Variants in AGBL4 observed in about 807,000 individuals in gnomAD.
AGBL4 encodes cytosolic carboxypeptidase 6.
AGBL4 carries 58 observed loss-of-function variants against 66.4 expected under a neutral mutation model. The ratio of observed to expected loss-of-function variants is 0.87; its 90% CI spans 0.71 to 1.09. AGBL4 has a LOEUF of 1.09. AGBL4 is among the 50% of genes least tolerant of loss of function. The pLI is 0.00. For missense variants in AGBL4, 579 were observed against 631.0 expected, an observed-to-expected ratio of 0.92 and a Z score of 0.88; for synonymous variants, 234 against 222.9, an observed-to-expected ratio of 1.05 and a Z score of -0.44.
At chr1:48,956,545 G>C (rs1657460864) in intron 5 of AGBL4, among the ~76,000 whole-genome samples, 1 of 152,166 alleles carries the variant, frequency 6.6e-6, no homozygotes, top group Admixed American at 6.5e-5. Context: ...AAGTGGAAGA[G>C]AGACTGGGGA....
intron 3 of AGBL4, among the ~76,000 whole-genome samples, chr1:49,515,726 A>T (rs1490008242): frequency 2.0e-5 from 3 of 151,844 alleles, no homozygotes; most frequent in Admixed American, 1.3e-4. Context: ...TGATGAGTTC[A>T]TGTCCTCTGT....
rs34952444 is a variant in AGBL4, at chr1:48,751,618, C to A, written c.635-88377G>T. On this transcript the variant is annotated intron_variant, in intron 6 of 13. Coordinates refer to ENST00000371839, the MANE Select transcript of AGBL4 (RefSeq NM_032785.4). The stretch of plus-strand genomic sequence containing the variant: ...AGGCTTTGCCTGTAATGAACACTTT[C>A]CCACCTCCATTTCCTGCCTGGCAAA... Among the ~76,000 whole-genome samples, 401 of 152,340 alleles carry A rather than the reference C, an allele frequency of 2.6e-3. 2 individuals are homozygous for A. Among genetic ancestry groups the A allele is most frequent in the Middle Eastern group, 0.01 (3 of 294 alleles).
chr1:49,754,266 CTTTT>C (rs573812769), intron 2 of AGBL4, among the ~76,000 whole-genome samples: 1 of 139,388 alleles, frequency 7.2e-6, no homozygotes, highest in Non-Finnish European at 1.6e-5. Context: ...CATGGGTGTT[CTTTT>C]TTTTTTTTAT....
intron 2 of AGBL4, among the ~76,000 whole-genome samples, chr1:49,825,962 A>C (rs924256280): frequency 1.1e-4 from 17 of 152,152 alleles, no homozygotes; most frequent in South Asian, 2.1e-4. Context: ...ATAAAAAAAA[A>C]CAAAACTTAC....
intron 3 of AGBL4, among the ~76,000 whole-genome samples, chr1:49,328,342 G>A (rs868490958): frequency 6.6e-6 from 1 of 152,164 alleles, no homozygotes; most frequent in African/African-American, 2.4e-5. Context: ...AAGAGAAGAG[G>A]GCTCTGGAAT....
chr1:50,010,377 C>CAATCT (rs985492291), intron 1 of AGBL4, among the ~76,000 whole-genome samples: 3 of 151,682 alleles, frequency 2.0e-5, no homozygotes, highest in Non-Finnish European at 4.4e-5. Context: ...CTATCCAAAG[C>CAATCT]AATCTACAGA....
chr1:49,001,147 G>T (rs1428258120), intron 5 of AGBL4, among the ~76,000 whole-genome samples: 7 of 152,230 alleles, frequency 4.6e-5, no homozygotes, highest in African/African-American at 1.7e-4. Context: ...TTGCAGGTCT[G>T]CTTTGTTTCG....
At chr1:48,919,852 G>C (rs1200100971) in intron 5 of AGBL4, among the ~76,000 whole-genome samples, 1 of 152,208 alleles carries the variant, frequency 6.6e-6, no homozygotes, top group Non-Finnish European at 1.5e-5. Context: ...CAACATAAGG[G>C]ATCTCACTGG....
chr1:49,336,646 T>C (rs1228037117), intron 3 of AGBL4, among the ~76,000 whole-genome samples: 1 of 152,214 alleles, frequency 6.6e-6, no homozygotes, highest in Non-Finnish European at 1.5e-5. Context: ...ATTTCTTAAT[T>C]TAAATCTTTC....
At chr1:49,690,554 A>T (rs2124591607) in intron 3 of AGBL4, among the ~76,000 whole-genome samples, 1 of 152,314 alleles carries the variant, frequency 6.6e-6, no homozygotes, top group Non-Finnish European at 1.5e-5. Flanking sequence ...CAGCTTCTTC[A>T]ACTGCAAAAT....
At chr1:49,602,017 C>A (rs972739266) in intron 3 of AGBL4, among the ~76,000 whole-genome samples, 9 of 152,066 alleles carry the variant, frequency 5.9e-5, no homozygotes, top group Admixed American at 3.3e-4. Context: ...AAAAAAACAA[C>A]CCCATCAAAA....
intron 1 of AGBL4, among the ~76,000 whole-genome samples, chr1:49,882,169 C>G (rs1242358044): frequency 8.6e-5 from 13 of 150,928 alleles, no homozygotes; most frequent in Admixed American, 6.6e-4. Context: ...GCTTGTTTTT[C>G]TCAGGTTTGT....
intron 11 of AGBL4, among the ~76,000 whole-genome samples, chr1:48,565,892 G>A (rs942893071): frequency 6.6e-6 from 1 of 152,188 alleles, no homozygotes; most frequent in Admixed American, 6.5e-5. Context: ...GGGAGGAGAA[G>A]TTCTTGGCCC....
At chr1:48,706,226 G>C (rs1646878796) in intron 6 of AGBL4, among the ~76,000 whole-genome samples, 1 of 152,010 alleles carries the variant, frequency 6.6e-6, no homozygotes, top group Non-Finnish European at 1.5e-5. Context: ...ATATGTATTA[G>C]ATATTTTAAA....
At chr1:49,379,162 C>G (rs1259006962) in intron 3 of AGBL4, among the ~76,000 whole-genome samples, 2 of 152,104 alleles carry the variant, frequency 1.3e-5, no homozygotes, top group African/African-American at 4.8e-5. Flanking sequence ...AATCAGAATT[C>G]TCATCCTGAA....
chr1:49,227,698 T>A (rs1194561310), intron 4 of AGBL4, among the ~76,000 whole-genome samples: 2 of 152,252 alleles, frequency 1.3e-5, no homozygotes, highest in African/African-American at 2.4e-5. Context: ...GTATGATTTA[T>A]GTAGAAATAA....
chr1:49,907,851 T>C (rs1650429112), intron 1 of AGBL4, among the ~76,000 whole-genome samples: 1 of 151,978 alleles, frequency 6.6e-6, no homozygotes, highest in South Asian at 2.1e-4. Flanking sequence ...CAACAAATAA[T>C]ACCACTTTTC....
intron 1 of AGBL4, among the ~76,000 whole-genome samples, chr1:49,912,956 T>A (rs180793462): frequency 1.2e-3 from 179 of 152,334 alleles, no homozygotes; most frequent in Non-Finnish European, 1.6e-3. Flanking sequence ...ACTAATCACC[T>A]CTTAATGGTC....
At chr1:48,588,861 G>GAAGAGAAGA (rs1557810283) in intron 10 of AGBL4, among the ~76,000 whole-genome samples, 5 of 68,044 alleles carry the variant, frequency 7.3e-5, no homozygotes, top group Admixed American at 1.8e-4. Flanking sequence ...AGAAGAGAAG[G>GAAGAGAAGA]GAAGAGAAGA....
Sources: gnomAD v4.1 joint callset for allele counts (sites outside exome capture counted in the v4.1 genomes callset) on GRCh38, gnomAD v4.1.1 for gene constraint, MANE v1.5 for transcripts, NCBI Gene and HGNC (gene_info 2026-07-23, HGNC 2026-07-21) for gene names.